The following DNM1 variants were observed in gnomAD, a reference collection of about 807,000 sequenced individuals.
DNM1 encodes the protein dynamin-1.
In DNM1, 29 loss-of-function variants were observed where a neutral mutation model predicts 104.6. That is an observed-to-expected ratio of 0.28 (90% CI 0.21 to 0.38). The LOEUF (loss-of-function observed/expected upper bound fraction) is 0.38. Ranked by LOEUF, DNM1 falls within the 10% of genes least tolerant of loss-of-function variation. The probability of loss-of-function intolerance (pLI) is 1.00; values close to 1 mark genes in which losing one functional copy is unlikely to be tolerated. For synonymous variants in DNM1, 445 were observed against 475.8 expected, an observed-to-expected ratio of 0.94 and a Z score of 0.84; for missense variants, 640 against 1,189.4, an observed-to-expected ratio of 0.54 and a Z score of 6.79.
Position 128,218,622 on chromosome 9 carries a change from C to T in DNM1, c.276C>T (p.Thr92=). ...EFLHCKGKKF[T]DFEEVRLEIE... is the part of the protein sequence containing the mutation. ...TGCACTGCAAGGGAAAGAAATTCACCGACTTCGAGGAGGTGCGCCTTGAGA... is the reference window on the plus strand; with the variant it reads ...TGCACTGCAAGGGAAAGAAATTCACTGACTTCGAGGAGGTGCGCCTTGAGA... The change falls in exon 3 of 22, where the codon ACC becomes ACT. Residue 92 remains threonine, a synonymous_variant. Transcript: ENST00000372923. The surrounding 1 kb of genome is among the most constrained non-coding windows in gnomAD (Gnocchi z 4.8). 6.2e-7 allele frequency: 1 copy of T among 1,613,572 alleles called. No individual in the cohort carries two copies. Among genetic ancestry groups the T allele is most frequent in the Non-Finnish European group, 8.5e-7 (1 of 1,179,660 alleles).
At chr9:128,210,372 T>TATTATTATTATTATG (rs1834215514) in intron 1 of DNM1, among the ~76,000 whole-genome samples, 1 of 149,886 alleles carries the variant, frequency 6.7e-6, no homozygotes, top group Non-Finnish European at 1.5e-5. Flanking sequence ...TTATTATTAT[T>TATTATTATTATTATG]ATTATTAGAA....
chr9:128,227,009 CTTTTTT>C (rs369464140), intron 10 of DNM1, among the ~76,000 whole-genome samples: 3 of 101,770 alleles, frequency 2.9e-5, no homozygotes, highest in African/African-American at 4.3e-5. Context: ...ATCTCCATTC[CTTTTTT>C]TTTTTTTTTT....
Position 128,203,795 on chromosome 9 carries a change from G to C in DNM1, c.161+164G>C, listed in dbSNP as rs112665081. ...AGCGAGGAGGCCCTCCCCCCACCACGAGAGCCCCTCGGGGCAGCAGCGCCC... is the reference window on the plus strand; with the variant it reads ...AGCGAGGAGGCCCTCCCCCCACCACCAGAGCCCCTCGGGGCAGCAGCGCCC... On this transcript the variant is annotated intron_variant, in intron 1 of 21. Transcript: ENST00000372923. The surrounding 1 kb of genome is among the most constrained non-coding windows in gnomAD (Gnocchi z 5.3). Among the ~76,000 whole-genome samples the C allele has an allele frequency of 0.012, 1,257 of 104,172 alleles. 23 individuals are homozygous for C. The highest frequency in any genetic ancestry group is 0.045 in the African/African-American group (1,204 of 26,630). 68.3% of individuals were successfully genotyped at this position (104,172 alleles called of 152,430 possible).
At chr9:128,208,826 G>C (rs563205510) in intron 1 of DNM1, among the ~76,000 whole-genome samples, 2 of 152,330 alleles carry the variant, frequency 1.3e-5, no homozygotes, top group East Asian at 3.9e-4. Context: ...TGGGCCATCA[G>C]AAGGCCTCCT....
Position 128,203,707 on chromosome 9 carries a change from C to G in DNM1, c.161+76C>G. 2 of 1,323,928 alleles carry G rather than the reference C, an allele frequency of 1.5e-6. No homozygotes were observed. Among genetic ancestry groups the G allele is most frequent in the Non-Finnish European group, 1.9e-6 (2 of 1,034,196 alleles). The allele number at this position is 1,323,928 out of a possible 1,614,324, so 82.0% of individuals were successfully genotyped here. A position where few individuals can be genotyped will look rare whatever the true frequency, so the allele number is the denominator to read the frequency against. On this transcript the variant is annotated intron_variant, in intron 1 of 21. Coordinates refer to ENST00000372923, the MANE Select transcript of DNM1 (RefSeq NM_004408.4). The surrounding 1 kb of genome is among the most constrained non-coding windows in gnomAD (Gnocchi z 5.3). ...GAGTCCCCGCCCGGGGCACTGACGG[C>G]GCGGCGACCTCGCAGCCCCCGACGC...
intron 10 of DNM1, among the ~76,000 whole-genome samples, chr9:128,229,624 G>C (rs1241447091): frequency 5.3e-5 from 5 of 94,506 alleles, no homozygotes; most frequent in Admixed American, 3.0e-4. Flanking sequence ...AAAAAAAAAA[G>C]CTTGGCCAGG....
rs537645747 is a variant in DNM1, at chr9:128,248,691, A to C, written c.2014A>C (p.Ile672Leu). The C allele has an allele frequency of 6.2e-7, 1 of 1,613,998 alleles. No homozygotes were observed. The highest frequency in any genetic ancestry group is 8.5e-7 in the Non-Finnish European group (1 of 1,179,868). The change falls in exon 19 of 22, where the codon ATT becomes CTT. Residue 672 changes from isoleucine to leucine, a missense_variant. By Grantham distance (5) the Ile-to-Leu change is conservative (BLOSUM62 2). Coordinates refer to ENST00000372923, the MANE Select transcript of DNM1 (RefSeq NM_004408.4). This position sits in a 1 kb window ranked among gnomAD's most constrained non-coding sequence, Gnocchi z 5.6. ...IRNLVDSYMA[I>L]VNKTVRDLMP... ...GAATCTTGTGGACTCATACATGGCCATTGTCAACAAGACCGTGAGGGACCT... is the reference window on the plus strand; with the variant it reads ...GAATCTTGTGGACTCATACATGGCCCTTGTCAACAAGACCGTGAGGGACCT...
intron 1 of DNM1, among the ~76,000 whole-genome samples, chr9:128,215,957 T>G (rs1164184580): frequency 7.2e-6 from 1 of 138,380 alleles, no homozygotes; most frequent in Non-Finnish European, 1.6e-5. Context: ...CTCCCAAAAC[T>G]GGAAGTCACG....
At chr9:128,212,041 C>A (rs10987934) in intron 1 of DNM1, among the ~76,000 whole-genome samples, 2 of 152,252 alleles carry the variant, frequency 1.3e-5, no homozygotes, top group Non-Finnish European at 2.9e-5. Flanking sequence ...AATGCACCCT[C>A]ACCCCCAACC....
chr9:128,245,693 T>C lies in DNM1; in HGVS notation c.1672-701T>C, dbSNP rs1270648979. On this transcript the variant is annotated intron_variant, in intron 15 of 21. Transcript: ENST00000372923. The surrounding 1 kb of genome is among the most constrained non-coding windows in gnomAD (Gnocchi z 5.2). ...GTCCACAGGCATGGCTCTGCAAACA[T>C]GTAGGCTCGCACAATTGCCACACAC... is the stretch of plus-strand genomic sequence containing the variant. 6.6e-6 allele frequency among the ~76,000 whole-genome samples: 1 copy of C among 152,120 alleles called. No homozygotes were observed. The highest frequency in any genetic ancestry group is 1.5e-5 in the Non-Finnish European group (1 of 68,022).
chr9:128,250,890 T>C lies in DNM1; in HGVS notation c.2484T>C (p.Pro828=), dbSNP rs888550421. 1.5e-6 allele frequency: 2 copies of C among 1,354,288 alleles called. No homozygotes were observed. The highest frequency in any genetic ancestry group is 1.9e-6 in the Non-Finnish European group (2 of 1,056,564). 83.9% of individuals were successfully genotyped at this position (1,354,288 alleles called of 1,614,324 possible). ...GGGCTTCCCCTGACCCTTTCGGCCC[T>C]CCCCCTCAGGTGCCCTCGCGCCCCA... ...RPGASPDPFG[P]PPQVPSRPNR... The change falls in exon 21 of 22, where the codon CCT becomes CCC. Residue 828 remains proline (P), a synonymous_variant. Coordinates refer to ENST00000372923, the MANE Select transcript of DNM1 (RefSeq NM_004408.4).
At chr9:128,236,195 G>A (rs1384210243) in intron 11 of DNM1, among the ~76,000 whole-genome samples, 1 of 151,996 alleles carries the variant, frequency 6.6e-6, no homozygotes, top group Non-Finnish European at 1.5e-5. Flanking sequence ...GCCACTGAAC[G>A]CTACCTCTGA....
At position 128,253,481 on chromosome 9, in the gene DNM1, G is replaced by A. The variant is rs1829655256; in HGVS notation, c.2535-1173G>A. Reference sequence around the variant, plus strand: ...TGGTGTAAAGGCTGGGAGCTTGGAGGGGGTCGTGTGTGGGGCTGGACTCTG... The same window carrying A: ...TGGTGTAAAGGCTGGGAGCTTGGAGAGGGTCGTGTGTGGGGCTGGACTCTG... On this transcript the variant is annotated intron_variant, in intron 21 of 21. Coordinates refer to ENST00000372923, the MANE Select transcript of DNM1 (RefSeq NM_004408.4). This position sits in a 1 kb window ranked among gnomAD's most constrained non-coding sequence, Gnocchi z 5.9. 2.8e-6 allele frequency: 1 copy of A among 355,776 alleles called. No individual in the cohort carries two copies. The highest frequency in any genetic ancestry group is 3.7e-5 in the South Asian group (1 of 26,858). The allele number at this position is 355,776 out of a possible 1,614,324, so 22.0% of individuals were successfully genotyped here. A position where few individuals can be genotyped will look rare whatever the true frequency, so the allele number is the denominator to read the frequency against.
Position 128,254,563 on chromosome 9 carries a change from GGCCGGCCCCGGCCGTGTGCTGC to G in DNM1, c.2535-88_2535-67del, listed in dbSNP as rs1829735331. On this transcript the variant is annotated intron_variant, in intron 21 of 21. Coordinates refer to ENST00000372923, the MANE Select transcript of DNM1 (RefSeq NM_004408.4). The surrounding 1 kb of genome is among the most constrained non-coding windows in gnomAD (Gnocchi z 6.1). ...GGCCCTCCCACCACTGCTGCGGCGC[GGCCGGCCCCGGCCGTGTGCTGC>G]GCTTGCCTTACCAGCTCTCTCCTCG... The G allele has an allele frequency of 3.2e-6, 5 of 1,546,616 alleles. No individual in the cohort carries two copies. Among genetic ancestry groups the G allele is most frequent in the Non-Finnish European group, 4.4e-6 (5 of 1,149,382 alleles).
At position 128,203,609 on chromosome 9, in the gene DNM1, G is replaced by T; in HGVS notation, c.139G>T (p.Val47Leu). ...VGGQSAGKSSVLENFVGRDFL... is the reference protein window; with the variant it reads ...VGGQSAGKSSLLENFVGRDFL... ...CGGCCAGAGCGCCGGCAAGAGCTCG[G>T]TGCTCGAGAATTTCGTAGGCAGGTA... Residue 47 changes from valine to leucine, a missense_variant, in exon 1 of 22, where the codon GTG (valine) becomes TTG (leucine). Physicochemically the swap from Val to Leu is conservative, Grantham distance 32. Around this residue, in one of 7 missense-constraint regions of DNM1, gnomAD observed 172 missense variants for 335.3 expected, o/e 0.51. Transcript: ENST00000372923. This position sits in a 1 kb window ranked among gnomAD's most constrained non-coding sequence, Gnocchi z 5.3. The T allele has an allele frequency of 1.3e-6, 2 of 1,543,392 alleles. No individual in the cohort carries two copies. The highest frequency in any genetic ancestry group is 8.7e-7 in the Non-Finnish European group (1 of 1,150,264).
At chr9:128,226,593 G>C (rs1429105829) in intron 10 of DNM1, among the ~76,000 whole-genome samples, 3 of 152,174 alleles carry the variant, frequency 2.0e-5, no homozygotes, top group Non-Finnish European at 2.9e-5. Flanking sequence ...GTGTGATTCA[G>C]TTTTAGGAAG....
At chr9:128,252,799 C>T (rs1156749751) in intron 21 of DNM1, 17 of 643,354 alleles carry the variant, frequency 2.6e-5, no homozygotes, top group African/African-American at 2.3e-4. Flanking sequence ...CCTCTGTGTG[C>T]GGGTGAGCTT....
intron 10 of DNM1, among the ~76,000 whole-genome samples, chr9:128,228,890 G>A (rs981180365): frequency 1.3e-5 from 2 of 151,990 alleles, no homozygotes; most frequent in Admixed American, 6.6e-5. Context: ...GGCTGAGGGA[G>A]GAGAATCGCT....
intron 1 of DNM1, among the ~76,000 whole-genome samples, chr9:128,213,819 C>T (rs972263730): frequency 3.3e-5 from 5 of 152,152 alleles, no homozygotes; most frequent in Non-Finnish European, 5.9e-5. Context: ...CTAGCCTAGT[C>T]CCTGCTCCCG....
Sources: allele counts gnomAD v4.1 joint callset (sites outside exome capture counted in the v4.1 genomes callset), GRCh38; gene constraint gnomAD v4.1.1; regional missense constraint gnomAD v4.1.1; non-coding constraint Gnocchi (gnomAD v3.1); transcripts MANE v1.5; gene names NCBI Gene and HGNC (gene_info 2026-07-23, HGNC 2026-07-21).